Variants in PCNX2 observed in about 807,000 individuals in gnomAD.
The protein encoded by PCNX2 is pecanex-like protein 2.
Under a neutral mutation model 223.8 loss-of-function variants are expected in PCNX2, and 168 were observed. That is an observed-to-expected ratio of 0.75 (90% CI 0.66 to 0.85). The LOEUF (loss-of-function observed/expected upper bound fraction) is 0.85. Ranked by LOEUF, PCNX2 falls within the 40% of genes least tolerant of loss-of-function variation. The probability of loss-of-function intolerance (pLI) is 0.00; values close to 1 mark genes in which losing one functional copy is unlikely to be tolerated. For synonymous variants in PCNX2, 1,006 were observed against 1,052.6 expected (o/e 0.96, Z 0.86); for missense variants, 2,507 against 2,675.5 (o/e 0.94, Z 1.39).
chr1:233,307,458 C>A, the PCNX2 span, among the ~76,000 whole-genome samples: 5 of 152,208 alleles, frequency 3.3e-5, no homozygotes, highest in Admixed American at 6.5e-5. Flanking sequence ...GTGGAAGCAG[C>A]CTGAAGCCCT....
chr1:232,987,718 A>C (rs1298895798), intron 32 of PCNX2, among the ~76,000 whole-genome samples: 2 of 152,292 alleles, frequency 1.3e-5, no homozygotes, highest in East Asian at 3.9e-4. Flanking sequence ...GCAATTCCTT[A>C]GGGATACACA....
chr1:233,135,310 C>G, intron 20 of PCNX2, 120 bp from the exon 21 acceptor site: 1 of 1,083,052 alleles, frequency 9.2e-7, no homozygotes, highest in Non-Finnish European at 1.3e-6. Flanking sequence ...GCACAAAAAG[C>G]CAATCTAAGG....
At position 233,199,020 on chromosome 1, in the gene PCNX2, C is replaced by A; in HGVS notation, c.2985G>T (p.Gly995=). 2.5e-6 allele frequency: 4 copies of A among 1,592,458 alleles called. No homozygotes were observed. Among genetic ancestry groups the A allele is most frequent in the Non-Finnish European group, 2.6e-6 (3 of 1,169,984 alleles). The change falls in exon 15 of 34, where the codon GGG becomes GGT. Residue 995 remains glycine (G), a synonymous_variant. Transcript: ENST00000258229. ...MLFFGGSAVS[G]ITSAVYSVAR... is the part of the protein sequence containing the mutation. ...CCACACTGTAAACAGCCGAGGTTAT[C>A]CCAGACACAGCTGGAACACAAACAT...
At chr1:233,133,477 C>A (rs183402768) in intron 21 of PCNX2, among the ~76,000 whole-genome samples, 12 of 152,100 alleles carry the variant, frequency 7.9e-5, no homozygotes, top group African/African-American at 2.7e-4. Context: ...TTGGGGCAGG[C>A]TGCAGAAGTA....
intron 32 of PCNX2, among the ~76,000 whole-genome samples, chr1:232,988,805 G>A (rs1669587712): frequency 6.6e-6 from 1 of 152,192 alleles, no homozygotes; most frequent in Admixed American, 6.5e-5. Context: ...TCCCCTTCCA[G>A]CTGTGACATA....
At chr1:233,227,929 C>T (rs1657842827) in intron 9 of PCNX2, among the ~76,000 whole-genome samples, 1 of 152,018 alleles carries the variant, frequency 6.6e-6, no homozygotes, top group Admixed American at 6.6e-5. Flanking sequence ...AAAGTTTTAA[C>T]CCCTAATTCA....
At chr1:233,219,120 G>A (rs1209784474) in intron 10 of PCNX2, among the ~76,000 whole-genome samples, 1 of 152,040 alleles carries the variant, frequency 6.6e-6, no homozygotes, top group Non-Finnish European at 1.5e-5. Context: ...TCCAGAGGTG[G>A]AGTGTTATCA....
chr1:233,210,634 C>T, intron 12 of PCNX2: 1 of 985,396 alleles, frequency 1.0e-6, no homozygotes, highest in Non-Finnish European at 1.2e-6. Context: ...TGTCCCTGCT[C>T]TTCAATTCCT....
intron 15 of PCNX2, among the ~76,000 whole-genome samples, chr1:233,194,491 A>G (rs1297342254): frequency 1.3e-5 from 2 of 152,184 alleles, no homozygotes. Context: ...AACGTAAAGG[A>G]AATATAATTT....
intron 11 of PCNX2, 35 bp from the exon 12 acceptor site, chr1:233,217,966 C>T: frequency 6.2e-7 from 1 of 1,613,628 alleles, no homozygotes; most frequent in Non-Finnish European, 8.5e-7. Context: ...GTGTCATCAT[C>T]TCATGATTTC....
At chr1:233,308,138 A>G in the PCNX2 span, among the ~76,000 whole-genome samples, 53 of 152,234 alleles carry the variant, frequency 3.5e-4, no homozygotes, top group African/African-American at 1.2e-3. Context: ...AAGAAATGAT[A>G]TAACTAACTA....
At chr1:233,048,252 T>C (rs1572045442) in intron 25 of PCNX2, among the ~76,000 whole-genome samples, 2 of 151,642 alleles carry the variant, frequency 1.3e-5, no homozygotes, top group African/African-American at 4.8e-5. Context: ...AGGTCAGGAG[T>C]TCGAGACCAG....
intron 28 of PCNX2, among the ~76,000 whole-genome samples, chr1:233,007,827 C>T (rs145615612): frequency 6.6e-6 from 1 of 151,946 alleles, no homozygotes; most frequent in African/African-American, 2.4e-5. Context: ...AGGCACCTGC[C>T]ACCATGCCCG....
At chr1:233,129,683 A>G (rs1379286268) in intron 21 of PCNX2, among the ~76,000 whole-genome samples, 1 of 152,158 alleles carries the variant, frequency 6.6e-6, no homozygotes, top group South Asian at 2.1e-4. Context: ...GGATGCACCA[A>G]TGGGCACTCA....
chr1:233,224,197 G>T (rs1657559729), intron 10 of PCNX2, among the ~76,000 whole-genome samples: 1 of 152,210 alleles, frequency 6.6e-6, no homozygotes, highest in Admixed American at 6.5e-5. Flanking sequence ...TTCAGATGCT[G>T]ACCTGATCGA....
At position 232,990,627 on chromosome 1, in the gene PCNX2, C is replaced by T. The variant is rs576543879; in HGVS notation, c.5792-4087G>A. 6.6e-6 allele frequency among the ~76,000 whole-genome samples: 1 copy of T among 152,328 alleles called. No homozygotes were observed. The highest frequency in any genetic ancestry group is 2.4e-5 in the African/African-American group (1 of 41,584). Reference sequence around the variant, plus strand: ...ATCCACTCATTCGTCCAACCTTTGTCTGCTGAGCCCAGATCATGCTTACCA... The same window carrying T: ...ATCCACTCATTCGTCCAACCTTTGTTTGCTGAGCCCAGATCATGCTTACCA... On this transcript the variant is annotated intron_variant, in intron 32 of 33. Transcript: ENST00000258229. The surrounding 1 kb of genome is among the most constrained non-coding windows in gnomAD (Gnocchi z 4.3).
At chr1:233,061,195 G>GT (rs1672393517) in intron 23 of PCNX2, among the ~76,000 whole-genome samples, 2 of 152,262 alleles carry the variant, frequency 1.3e-5, no homozygotes, top group East Asian at 3.9e-4. Flanking sequence ...AAAATAGACT[G>GT]TAATTCTATT....
the PCNX2 span, among the ~76,000 whole-genome samples, chr1:233,315,757 T>C: frequency 1.3e-5 from 2 of 152,142 alleles, no homozygotes; most frequent in South Asian, 2.1e-4. Flanking sequence ...AAAGCAAGTA[T>C]AAACCAATTT....
At chr1:233,229,162 A>T (rs1018880632) in intron 9 of PCNX2, among the ~76,000 whole-genome samples, 1 of 152,220 alleles carries the variant, frequency 6.6e-6, no homozygotes, top group Non-Finnish European at 1.5e-5. Context: ...GAACTCTCCA[A>T]GAAAGCAAAT....
Sources: allele counts gnomAD v4.1 joint callset (sites outside exome capture counted in the v4.1 genomes callset), GRCh38; gene constraint gnomAD v4.1.1; non-coding constraint Gnocchi (gnomAD v3.1); transcripts MANE v1.5; gene names NCBI Gene and HGNC (gene_info 2026-07-23, HGNC 2026-07-21).